AMPD3: variants seen among roughly 807,000 people sequenced by gnomAD.
AMPD3 encodes the protein adenosine monophosphate deaminase 3, also known as AMP deaminase 3.
In AMPD3, 57 loss-of-function variants were observed where a neutral mutation model predicts 82.3. The ratio of observed to expected loss-of-function variants is 0.69; its 90% CI spans 0.56 to 0.86. The LOEUF (loss-of-function observed/expected upper bound fraction) is 0.86. Ranked by LOEUF, AMPD3 falls within the 40% of genes least tolerant of loss-of-function variation. The probability of loss-of-function intolerance (pLI) is 0.00; values close to 1 mark genes in which losing one functional copy is unlikely to be tolerated. For synonymous variants in AMPD3, 381 were observed against 394.7 expected (o/e 0.97, Z 0.41); for missense variants, 870 against 1,003.8 (o/e 0.87, Z 1.80).
upstream of AMPD3, chr11:10,450,612 C>T: frequency 1.0e-6 from 1 of 992,562 alleles, no homozygotes; most frequent in Non-Finnish European, 1.2e-6. Flanking sequence ...CGGGCTGCGG[C>T]GCGGGCCCCG....
chr11:10,486,663 C>T, intron 5 of AMPD3: 1 of 985,418 alleles, frequency 1.0e-6, no homozygotes, highest in Non-Finnish European at 1.2e-6. Flanking sequence ...GATCCTTGGG[C>T]CGTGGCCATT....
chr11:10,505,901 G>A lies in AMPD3; in HGVS notation c.*17G>A, dbSNP rs749685128. 2.5e-6 allele frequency: 4 copies of A among 1,613,870 alleles called. No individual in the cohort carries two copies. Among genetic ancestry groups the A allele is most frequent in the Non-Finnish European group, 3.4e-6 (4 of 1,179,978 alleles). Reference sequence around the variant, plus strand: ...ACCAACTAGGTCCAGCATTTGACATGCATTTTAACTTTTTGGTTCAATTTC... The same window carrying A: ...ACCAACTAGGTCCAGCATTTGACATACATTTTAACTTTTTGGTTCAATTTC... On this transcript the variant is annotated 3_prime_UTR_variant, in exon 15 of 15. Coordinates refer to ENST00000396553, the MANE Select transcript of AMPD3 (RefSeq NM_001025389.2).
chr11:10,504,247 G>C, intron 13 of AMPD3: 1 of 984,944 alleles, frequency 1.0e-6, no homozygotes, highest in Non-Finnish European at 1.2e-6. Flanking sequence ...CATGACTAGA[G>C]GGCTTGTCAC....
At position 10,486,548 on chromosome 11, in the gene AMPD3, T is replaced by C. The variant is rs1849075683; in HGVS notation, c.810-687T>C. 21 of 984,794 alleles carry C rather than the reference T, an allele frequency of 2.1e-5. 1 individual carries two copies. The South Asian group carries it at 8.0e-4, about 37-fold the overall frequency. The allele number at this position is 984,794 out of a possible 1,614,324, so 61.0% of individuals were successfully genotyped here. On this transcript the variant is annotated intron_variant, in intron 5 of 14. Transcript: ENST00000396553. ...CTGAGTTGGTGGGAATCTGGGGGCA[T>C]CAGTCCTTACAGAGATTTCTGTCTC...
At chr11:10,466,982 A>G (rs889641134) in intron 2 of AMPD3, among the ~76,000 whole-genome samples, 1 of 152,258 alleles carries the variant, frequency 6.6e-6, no homozygotes, top group Non-Finnish European at 1.5e-5. Context: ...AAGGAATAGC[A>G]CATCTAATCA....
chr11:10,460,040 A>AAATATATATTATATAT, intron 1 of AMPD3, among the ~76,000 whole-genome samples: 1 of 144,914 alleles, frequency 6.9e-6, no homozygotes, highest in Non-Finnish European at 1.5e-5. Context: ...TACATATATA[A>AAATATATATTATATAT]AATATATATT....
At chr11:10,472,083 G>A (rs992314105) in intron 2 of AMPD3, among the ~76,000 whole-genome samples, 3 of 152,120 alleles carry the variant, frequency 2.0e-5, no homozygotes, top group Admixed American at 2.0e-4. Context: ...AGAAAATATG[G>A]CACATATACA....
chr11:10,482,333 AAT>A (rs1848935680), intron 4 of AMPD3, 108 bp downstream of exon 4: 22 of 1,318,876 alleles, frequency 1.7e-5, no homozygotes, highest in Non-Finnish European at 2.3e-5. Context: ...TTAAAATGAC[AAT>A]GTTCTTTCAT....
At chr11:10,466,343 A>C (rs1490934386) in intron 2 of AMPD3, among the ~76,000 whole-genome samples, 1 of 151,962 alleles carries the variant, frequency 6.6e-6, no homozygotes, top group African/African-American at 2.4e-5. Context: ...GGGACACTCA[A>C]GCTTCGTAGG....
At chr11:10,494,409 G>A in intron 7 of AMPD3, 1 of 300,470 alleles carries the variant, frequency 3.3e-6, no homozygotes, top group Non-Finnish European at 4.9e-6. Context: ...GGTTAGTGGT[G>A]ATGGTTGCAC....
At chr11:10,476,970 C>T (rs762867571) in intron 2 of AMPD3, 7 of 985,446 alleles carry the variant, frequency 7.1e-6, no homozygotes, top group Non-Finnish European at 8.4e-6. Context: ...AAAGGAGCCA[C>T]CTCTGTCTTG....
intron 7 of AMPD3, chr11:10,494,624 C>T: frequency 1.0e-6 from 1 of 985,402 alleles, no homozygotes; most frequent in Non-Finnish European, 1.2e-6. Context: ...CCTCTCTGCT[C>T]ACTAAGTCAG....
At chr11:10,502,995 G>A (rs1849621824) in intron 13 of AMPD3, 101 bp downstream of exon 13, 3 of 1,412,628 alleles carry the variant, frequency 2.1e-6, no homozygotes, top group Middle Eastern at 2.1e-4. Flanking sequence ...TTCTGCTTTT[G>A]GGGTGGGGTT....
chr11:10,503,892 C>T, intron 13 of AMPD3: 1 of 938,702 alleles, frequency 1.1e-6, no homozygotes, highest in African/African-American at 1.8e-5. Flanking sequence ...CCTCAGGGGT[C>T]CTTGACCTGT....
chr11:10,490,510 C>T (rs565500612), intron 6 of AMPD3: 22 of 985,424 alleles, frequency 2.2e-5, no homozygotes, highest in Non-Finnish European at 2.5e-5. Context: ...TTCTTTACAT[C>T]TGAGGTCTTA....
In AMPD3 at chr11:10,501,490, T is replaced by C; in HGVS notation, c.1742T>C (p.Phe581Ser). The C allele has an allele frequency of 6.2e-7, 1 of 1,614,138 alleles. No homozygotes were observed. Among genetic ancestry groups the C allele is most frequent in the Non-Finnish European group, 8.5e-7 (1 of 1,180,026 alleles). Reference protein sequence around the residue: ...NLRRERGLSTFLFRPHCGEAG... With the variant: ...NLRRERGLSTSLFRPHCGEAG... ...TACAGGGAGCGCGGCCTGAGCACGT[T>C]CCTGTTCCGGCCGCACTGTGGGGAA... The change falls in exon 12 of 15, where the codon TTC becomes TCC. Residue 581 changes from phenylalanine to serine, a missense_variant. Transcript: ENST00000396553.
chr11:10,490,938 G>A (rs754404279), intron 6 of AMPD3, among the ~76,000 whole-genome samples: 12 of 152,202 alleles, frequency 7.9e-5, no homozygotes, highest in African/African-American at 2.7e-4. Flanking sequence ...TGTCTTTCTG[G>A]TAAGAATGGC....
intron 12 of AMPD3, 165 bp downstream of exon 12, chr11:10,501,755 C>A: frequency 1.0e-6 from 1 of 985,056 alleles, no homozygotes; most frequent in South Asian, 4.7e-5. Flanking sequence ...TCAAACTCAT[C>A]ACAATTTTGA....
chr11:10,497,677 CAT>C (rs1849456202), intron 10 of AMPD3: 3 of 984,892 alleles, frequency 3.0e-6, no homozygotes, highest in South Asian at 4.7e-5. Context: ...TTTAGACAAA[CAT>C]ATTCTGGCTG....
Sources: allele counts gnomAD v4.1 joint callset (sites outside exome capture counted in the v4.1 genomes callset), GRCh38; gene constraint gnomAD v4.1.1; transcripts MANE v1.5; gene names NCBI Gene and HGNC (gene_info 2026-07-23, HGNC 2026-07-21).